FRA10AC1: variants seen among roughly 807,000 people sequenced by gnomAD.
FRA10AC1 encodes the protein FRA10A associated CGG repeat 1.
FRA10AC1 carries 43 observed loss-of-function variants against 56.5 expected under a neutral mutation model. The ratio of observed to expected loss-of-function variants is 0.76; its 90% CI spans 0.60 to 0.98. The LOEUF is 0.98. FRA10AC1 is among the 50% of genes least tolerant of loss of function. The pLI, the probability that FRA10AC1 is intolerant of heterozygous loss-of-function variation, is 0.00. For synonymous variants in FRA10AC1, 112 were observed against 110.5 expected (o/e 1.01, Z -0.09); for missense variants, 346 against 351.8 (o/e 0.98, Z 0.13).
chr10:93,678,875 A>G (rs2058886795), intron 11 of FRA10AC1, among the ~76,000 whole-genome samples: 1 of 151,678 alleles, frequency 6.6e-6, no homozygotes, highest in African/African-American at 2.4e-5. Context: ...AGCATTAGCT[A>G]AAGAGAGGCC....
chr10:93,669,796 A>G lies in FRA10AC1; in HGVS notation c.*30T>C. 6.8e-7 allele frequency: 1 copy of G among 1,475,566 alleles called. No individual in the cohort carries two copies. 91.4% of individuals were successfully genotyped at this position (1,475,566 alleles called of 1,614,324 possible). A position where few individuals can be genotyped will look rare whatever the true frequency, so the allele number is the denominator to read the frequency against. ...AGTTTAAAACTTCATGAAGTTTCAC[A>G]TTAAGGAGCGGAGGCTTCTCTCTCT... On this transcript the variant is annotated 3_prime_UTR_variant, in exon 14 of 14. Coordinates refer to ENST00000359204, the MANE Select transcript of FRA10AC1 (RefSeq NM_145246.5).
chr10:93,699,381 G>C (rs2059290554), intron 2 of FRA10AC1, among the ~76,000 whole-genome samples: 1 of 152,076 alleles, frequency 6.6e-6, no homozygotes. Flanking sequence ...CAACAGCCGT[G>C]TAAGTTTGGT....
At position 93,669,001 on chromosome 10, in the gene FRA10AC1, A is replaced by T. The variant is rs1318384002; in HGVS notation, c.*825T>A. ...GGGAGGCAATTTTTGTGAACACATG[A>T]ACTGTTTTAGACTACTGGGACCTCA... On this transcript the variant is annotated 3_prime_UTR_variant, in exon 14 of 14. Transcript: ENST00000359204. The T allele has an allele frequency of 1.3e-5, 2 of 152,158 alleles. No individual in the cohort carries two copies. Among genetic ancestry groups the T allele is most frequent in the African/African-American group, 4.8e-5 (2 of 41,434 alleles). The allele number at this position is 152,158 out of a possible 1,614,324, so 9.4% of individuals were successfully genotyped here. A position where few individuals can be genotyped will look rare whatever the true frequency, so the allele number is the denominator to read the frequency against.
At chr10:93,683,414 A>G (rs1433171356) in intron 10 of FRA10AC1, among the ~76,000 whole-genome samples, 1 of 151,880 alleles carries the variant, frequency 6.6e-6, no homozygotes, top group Non-Finnish European at 1.5e-5. Flanking sequence ...GCAGTGGCTC[A>G]ATCTTGGCTC....
chr10:93,684,033 A>T, intron 10 of FRA10AC1, 23 bp downstream of exon 10: 1 of 1,492,606 alleles, frequency 6.7e-7, no homozygotes, highest in Non-Finnish European at 9.3e-7. Flanking sequence ...AAACATTAAG[A>T]ATGGCATTTT....
chr10:93,669,056 T>A lies in FRA10AC1; in HGVS notation c.*770A>T, dbSNP rs1360894570. On this transcript the variant is annotated 3_prime_UTR_variant, in exon 14 of 14. Transcript: ENST00000359204. Reference sequence around the variant, plus strand: ...CTCCCTGTGGTAATAATTTACTTAATAGTAAATTATCCACAGGCTAGGAAG... The same window carrying A: ...CTCCCTGTGGTAATAATTTACTTAAAAGTAAATTATCCACAGGCTAGGAAG... 2 of 152,144 alleles carry A rather than the reference T, an allele frequency of 1.3e-5. No individual in the cohort carries two copies. The highest frequency in any genetic ancestry group is 4.8e-5 in the African/African-American group (2 of 41,438). The allele number at this position is 152,144 out of a possible 1,614,324, so 9.4% of individuals were successfully genotyped here. A position where few individuals can be genotyped will look rare whatever the true frequency, so the allele number is the denominator to read the frequency against.
chr10:93,698,270 A>G (rs775612994), intron 3 of FRA10AC1, 31 bp downstream of exon 3: 17 of 1,541,772 alleles, frequency 1.1e-5, no homozygotes, highest in Non-Finnish European at 9.0e-6. Flanking sequence ...AACTTAAACC[A>G]AGAAATAGAA....
At chr10:93,672,813 T>A (rs373393050) in intron 12 of FRA10AC1, 2 of 153,864 alleles carry the variant, frequency 1.3e-5, no homozygotes, top group South Asian at 4.1e-4. Flanking sequence ...ACCCTATGAA[T>A]CTATAGTATC....
At chr10:93,679,860 T>C (rs1385400267) in intron 11 of FRA10AC1, among the ~76,000 whole-genome samples, 2 of 152,138 alleles carry the variant, frequency 1.3e-5, no homozygotes, top group African/African-American at 4.8e-5. Context: ...TTGAGAAATA[T>C]ATACTCTGGG....
intron 5 of FRA10AC1, among the ~76,000 whole-genome samples, chr10:93,693,519 A>G: frequency 1.2e-4 from 2 of 16,230 alleles, no homozygotes; most frequent in African/African-American, 3.1e-4. Flanking sequence ...CACCATATAT[A>G]TATATATACA....
rs1486399599 is a variant in FRA10AC1, at chr10:93,702,511, CCA to C, written c.-139_-138del. On this transcript the variant is annotated 5_prime_UTR_variant, in exon 1 of 14. Coordinates refer to ENST00000359204, the MANE Select transcript of FRA10AC1 (RefSeq NM_145246.5). ...CCGTGCGCCCTGCCGCACAGCCTCG[CCA>C]CAACCACCACCGCCGCCGCCGCCGC... The C allele has an allele frequency of 2.2e-5, 4 of 185,010 alleles. No individual in the cohort carries two copies. The East Asian group carries it at 9.5e-4, about 44-fold the overall frequency. 11.5% of individuals were successfully genotyped at this position (185,010 alleles called of 1,614,324 possible). A position where few individuals can be genotyped will look rare whatever the true frequency, so the allele number is the denominator to read the frequency against.
In FRA10AC1 at chr10:93,674,926, T is replaced by C. The variant is rs536802431; in HGVS notation, c.826+1727A>G. 4 of 152,308 alleles carry C rather than the reference T, an allele frequency of 2.6e-5. No homozygotes were observed. In the South Asian group the frequency reaches 6.2e-4, roughly 24 times the overall value. 9.4% of individuals were successfully genotyped at this position (152,308 alleles called of 1,614,324 possible). A position where few individuals can be genotyped will look rare whatever the true frequency, so the allele number is the denominator to read the frequency against. ...CCACTTTAGCCTGTGTACACCTTTG[T>C]TGAAGTATGTATCTATGATTTCATC... On this transcript the variant is annotated intron_variant, in intron 12 of 13. Coordinates refer to ENST00000359204, the MANE Select transcript of FRA10AC1 (RefSeq NM_145246.5).
chr10:93,673,886 A>T (rs1311394401), intron 12 of FRA10AC1: 1 of 318,468 alleles, frequency 3.1e-6, no homozygotes, highest in African/African-American at 2.2e-5. Context: ...GCATATGCCA[A>T]AACTGAGGTA....
chr10:93,673,860 T>C, intron 12 of FRA10AC1: 1 of 412,766 alleles, frequency 2.4e-6, no homozygotes, highest in Non-Finnish European at 4.8e-6. Flanking sequence ...AATCATTTAA[T>C]GTGGATCTGT....
chr10:93,687,584 T>C lies in FRA10AC1; in HGVS notation c.466-135A>G, dbSNP rs1399345527. 22 of 861,036 alleles carry C rather than the reference T, an allele frequency of 2.6e-5. No homozygotes were observed. In the South Asian group the frequency reaches 2.9e-4, roughly 11 times the overall value. The allele number at this position is 861,036 out of a possible 1,614,324, so 53.3% of individuals were successfully genotyped here. A position where few individuals can be genotyped will look rare whatever the true frequency, so the allele number is the denominator to read the frequency against. ...ATCATGACAGATTTTTCTCTTCTTATAGGATTTGAAGAAAATACATTGAAC... is the reference window on the plus strand; with the variant it reads ...ATCATGACAGATTTTTCTCTTCTTACAGGATTTGAAGAAAATACATTGAAC... On this transcript the variant is annotated intron_variant, in intron 7 of 13. Transcript: ENST00000359204.
chr10:93,690,839 T>G (rs1466047987), intron 7 of FRA10AC1, among the ~76,000 whole-genome samples: 1 of 152,166 alleles, frequency 6.6e-6, no homozygotes, highest in Non-Finnish European at 1.5e-5. Context: ...AAACAGCAGT[T>G]CTGGGGATAA....
chr10:93,692,097 G>A lies in FRA10AC1; in HGVS notation c.381-4C>T. 6.1e-6 allele frequency: 9 copies of A among 1,487,364 alleles called. No individual in the cohort carries two copies. The highest frequency in any genetic ancestry group is 7.1e-6 in the Non-Finnish European group (8 of 1,123,242). 92.1% of individuals were successfully genotyped at this position (1,487,364 alleles called of 1,614,324 possible). ...TTTCTTAGCAAGTCTCTTCTCCCTA[G>A]ACCCATGAAAATATAAATATTATAC... On this transcript the variant is annotated splice_region_variant and splice_polypyrimidine_tract_variant and intron_variant, in intron 6 of 13. Coordinates refer to ENST00000359204, the MANE Select transcript of FRA10AC1 (RefSeq NM_145246.5).
In FRA10AC1 at chr10:93,676,680, A is replaced by C. The variant is rs2058846140; in HGVS notation, c.799T>G (p.Ser267Ala). 3.8e-6 allele frequency: 6 copies of C among 1,568,396 alleles called. No individual in the cohort carries two copies. The highest frequency in any genetic ancestry group is 5.2e-6 in the Non-Finnish European group (6 of 1,162,070). ...AGTAGAGAATCTTCAGATTTCTTTG[A>C]AGATGAATGTCCTGAAAAGGAAACA... is the stretch of plus-strand genomic sequence containing the variant. ...SKKKDKGHSS[S>A]KKSEDSLLRN... Residue 267 changes from serine to alanine, a missense_variant, in exon 12 of 14, where the codon TCA (serine) becomes GCA (alanine). Physicochemically the swap from Ser to Ala is moderately conservative, Grantham distance 99. Transcript: ENST00000359204.
intron 7 of FRA10AC1, among the ~76,000 whole-genome samples, chr10:93,688,663 TC>T (rs2133922761): frequency 6.6e-6 from 1 of 152,162 alleles, no homozygotes; most frequent in South Asian, 2.1e-4. Context: ...CTAAAAATGC[TC>T]TAAAAATTAA....
Sources: allele counts gnomAD v4.1 joint callset (sites outside exome capture counted in the v4.1 genomes callset), GRCh38; gene constraint gnomAD v4.1.1; transcripts MANE v1.5; gene names NCBI Gene and HGNC (gene_info 2026-07-23, HGNC 2026-07-21).